The following TMEM181 variants were observed in gnomAD, a reference collection of about 807,000 sequenced individuals.
The protein encoded by TMEM181 is G protein-coupled receptor 178.
Under a neutral mutation model 71.9 loss-of-function variants are expected in TMEM181, and 39 were observed. The observed-to-expected ratio is 0.54, with a 90% confidence interval of 0.42 to 0.71. TMEM181 has a LOEUF of 0.71. TMEM181 is among the 30% of genes least tolerant of loss of function. The probability of loss-of-function intolerance (pLI) is 0.00; values close to 1 mark genes in which losing one functional copy is unlikely to be tolerated. For missense variants in TMEM181, 595 were observed against 583.0 expected, an observed-to-expected ratio of 1.02 and a Z score of -0.21; for synonymous variants, 245 against 228.8, an observed-to-expected ratio of 1.07 and a Z score of -0.64.
At chr6:158,571,827 T>TG in intron 1 of TMEM181, among the ~76,000 whole-genome samples, 1 of 152,304 alleles carries the variant, frequency 6.6e-6, no homozygotes, top group Admixed American at 6.5e-5. Flanking sequence ...CTTGGGCACA[T>TG]GCACTCTCTC....
At chr6:158,601,000 G>C (rs1461711463) in intron 6 of TMEM181, among the ~76,000 whole-genome samples, 1 of 152,044 alleles carries the variant, frequency 6.6e-6, no homozygotes, top group East Asian at 1.9e-4. Flanking sequence ...CTGTGCGTTA[G>C]AGTATGTTTG....
chr6:158,559,583 C>T (rs1782035500), upstream of TMEM181, among the ~76,000 whole-genome samples: 1 of 152,234 alleles, frequency 6.6e-6, no homozygotes, highest in South Asian at 2.1e-4. Flanking sequence ...ACTGGTCTAG[C>T]TGCAGTCTAG....
chr6:158,547,157 C>T (rs1323810064), intron 1 of TMEM181, among the ~76,000 whole-genome samples: 1 of 152,190 alleles, frequency 6.6e-6, no homozygotes, highest in Non-Finnish European at 1.5e-5. Context: ...TGGCATGTGC[C>T]TGTAGTCCCA....
At chr6:158,556,405 T>TA, upstream of TMEM181, among the ~76,000 whole-genome samples, 1 of 152,280 alleles carries the variant, frequency 6.6e-6, no homozygotes, top group East Asian at 1.9e-4. Context: ...AGAGGCTCTC[T>TA]AAAAGAAATG....
chr6:158,541,431 AC>A (rs1781339864), intron 1 of TMEM181, among the ~76,000 whole-genome samples: 1 of 48,898 alleles, frequency 2.0e-5, no homozygotes, highest in Non-Finnish European at 4.0e-5. Flanking sequence ...AAACAAAAAA[AC>A]AAAAAACAAA....
chr6:158,601,636 G>T (rs1425797258), intron 6 of TMEM181, among the ~76,000 whole-genome samples: 1 of 151,978 alleles, frequency 6.6e-6, no homozygotes, highest in African/African-American at 2.4e-5. Context: ...GCGTGCACCT[G>T]TAGTCCCAGC....
At chr6:158,556,630 G>A (rs146391808), upstream of TMEM181, among the ~76,000 whole-genome samples, 23 of 152,310 alleles carry the variant, frequency 1.5e-4, no homozygotes, top group African/African-American at 4.6e-4. Context: ...AGATGTCCTC[G>A]CAAAAGTGTA....
At chr6:158,604,920 TG>T (rs1784860918) in intron 6 of TMEM181, among the ~76,000 whole-genome samples, 2 of 152,214 alleles carry the variant, frequency 1.3e-5, no homozygotes, top group East Asian at 1.9e-4. Flanking sequence ...AAAAGTAAAC[TG>T]TACTAAATGT....
At chr6:158,546,310 A>T (rs971471148) in intron 1 of TMEM181, among the ~76,000 whole-genome samples, 4 of 152,246 alleles carry the variant, frequency 2.6e-5, no homozygotes, top group African/African-American at 9.6e-5. Context: ...TGTAGTTCTC[A>T]TCATTGGCAG....
intron 7 of TMEM181, among the ~76,000 whole-genome samples, chr6:158,606,444 C>T (rs1480690499): frequency 6.6e-6 from 1 of 152,216 alleles, no homozygotes; most frequent in African/African-American, 2.4e-5. Flanking sequence ...CTCTGATGCC[C>T]TGAGATTCTC....
At chr6:158,567,001 C>G (rs955922958) in intron 1 of TMEM181, among the ~76,000 whole-genome samples, 1 of 152,132 alleles carries the variant, frequency 6.6e-6, no homozygotes, top group African/African-American at 2.4e-5. Flanking sequence ...TTTTAAAGCA[C>G]CTGTGAAAGT....
intron 6 of TMEM181, among the ~76,000 whole-genome samples, chr6:158,602,492 T>C (rs1274460793): frequency 1.3e-5 from 2 of 152,252 alleles, no homozygotes; most frequent in African/African-American, 4.8e-5. Context: ...ACCAGTAGCG[T>C]GTGAGGGTTT....
intron 8 of TMEM181, among the ~76,000 whole-genome samples, chr6:158,607,932 G>T (rs1785045129): frequency 6.6e-6 from 1 of 152,238 alleles, no homozygotes; most frequent in Non-Finnish European, 1.5e-5. Flanking sequence ...CTCTTTTCCT[G>T]CTCCAAAAGT....
At chr6:158,612,937 T>C (rs1476978900) in intron 10 of TMEM181, among the ~76,000 whole-genome samples, 1 of 152,182 alleles carries the variant, frequency 6.6e-6, no homozygotes, top group East Asian at 1.9e-4. Flanking sequence ...ATATTTGGCT[T>C]AAAAGGAGAG....
chr6:158,553,227 A>C (rs779048014), intron 1 of TMEM181, among the ~76,000 whole-genome samples: 1 of 152,182 alleles, frequency 6.6e-6, no homozygotes, highest in Non-Finnish European at 1.5e-5. Context: ...CAGACATTTA[A>C]TGAATATCTG....
In TMEM181 at chr6:158,560,096, T is replaced by C; in HGVS notation, c.-129T>C. On this transcript the variant is annotated 5_prime_UTR_variant, in exon 1 of 17. Coordinates refer to ENST00000684151, the MANE Select transcript of TMEM181 (RefSeq NM_001376852.1). The stretch of plus-strand genomic sequence containing the variant: ...TCTCGGCGTCGCGCTCTGATGAGTT[T>C]TCCGCGGCCGGCCGCTGCTCAGCCG... The C allele has an allele frequency of 1.0e-6, 1 of 984,956 alleles. No homozygotes were observed. Among genetic ancestry groups the C allele is most frequent in the Non-Finnish European group, 1.2e-6 (1 of 829,776 alleles). The allele number at this position is 984,956 out of a possible 1,614,324, so 61.0% of individuals were successfully genotyped here. A position where few individuals can be genotyped will look rare whatever the true frequency, so the allele number is the denominator to read the frequency against.
chr6:158,581,622 G>A (rs911046625), intron 3 of TMEM181, among the ~76,000 whole-genome samples: 1 of 151,878 alleles, frequency 6.6e-6, no homozygotes, highest in African/African-American at 2.4e-5. Context: ...GGCGTGGTGG[G>A]GGGGCGCCTG....
At chr6:158,546,285 A>G (rs1462273200) in intron 1 of TMEM181, among the ~76,000 whole-genome samples, 1 of 152,256 alleles carries the variant, frequency 6.6e-6, no homozygotes. Flanking sequence ...GAATGAGAAC[A>G]TATTAGAACT....
intron 10 of TMEM181, among the ~76,000 whole-genome samples, chr6:158,614,168 C>T (rs1785480685): frequency 6.6e-6 from 1 of 152,172 alleles, no homozygotes; most frequent in East Asian, 1.9e-4. Flanking sequence ...TCTGGATGCT[C>T]CAGGGGCCTT....
Sources: gnomAD v4.1 joint callset for allele counts (sites outside exome capture counted in the v4.1 genomes callset) on GRCh38, gnomAD v4.1.1 for gene constraint, MANE v1.5 for transcripts, NCBI Gene and HGNC (gene_info 2026-07-23, HGNC 2026-07-21) for gene names.